Variants in ADCY8 observed in about 807,000 individuals in gnomAD.
ADCY8 encodes the protein adenylate cyclase type 8.
Under a neutral mutation model 119.7 loss-of-function variants are expected in ADCY8, and 51 were observed. That is an observed-to-expected ratio of 0.43 (90% CI 0.34 to 0.54). The LOEUF (loss-of-function observed/expected upper bound fraction) is 0.54, where lower values mean the gene tolerates loss of function less well. Ranked by LOEUF, ADCY8 falls within the 20% of genes least tolerant of loss-of-function variation. ADCY8 has a pLI of 0.03. For synonymous variants in ADCY8, 665 were observed against 651.0 expected (o/e 1.02, Z -0.33); for missense variants, 1,383 against 1,598.8 (o/e 0.87, Z 2.30).
chr8:131,004,895 A>T (rs1024743641), intron 1 of ADCY8, among the ~76,000 whole-genome samples: 1 of 152,126 alleles, frequency 6.6e-6, no homozygotes, highest in Non-Finnish European at 1.5e-5. Flanking sequence ...GGCTGGGATC[A>T]TTCTGTGGTT....
chr8:130,794,619 G>A (rs946611805), intron 15 of ADCY8, among the ~76,000 whole-genome samples: 1 of 152,150 alleles, frequency 6.6e-6, no homozygotes, highest in Non-Finnish European at 1.5e-5. Context: ...ATAATAAAAT[G>A]AACTTTTAAT....
Position 130,884,657 on chromosome 8 carries a change from T to G in ADCY8, c.2016A>C (p.Glu672Asp), listed in dbSNP as rs768890360. The G allele has an allele frequency of 6.2e-7, 1 of 1,613,922 alleles. No individual in the cohort carries two copies. The highest frequency in any genetic ancestry group is 1.1e-5 in the South Asian group (1 of 91,090). ...CGCCACTCCGCAAGTCGATGGTATG[T>G]TCTATTCTCTTGTTAATTTCCTCAG... ...SGPEEINKRI[E>D]HTIDLRSGDK... is the part of the protein sequence containing the mutation. Residue 672 changes from glutamate (E) to aspartate (D), a missense_variant, in exon 8 of 18, where the codon GAA (glutamate) becomes GAC (aspartate). By Grantham distance (45) the Glu-to-Asp change is conservative (BLOSUM62 2). Coordinates refer to ENST00000286355, the MANE Select transcript of ADCY8 (RefSeq NM_001115.3).
chr8:130,797,594 A>T (rs1434927017), intron 15 of ADCY8, among the ~76,000 whole-genome samples: 1 of 152,210 alleles, frequency 6.6e-6, no homozygotes, highest in Non-Finnish European at 1.5e-5. Flanking sequence ...TTAACAAGAT[A>T]CAAGAATATG....
intron 15 of ADCY8, among the ~76,000 whole-genome samples, chr8:130,794,641 T>C (rs1815524368): frequency 6.6e-6 from 1 of 152,246 alleles, no homozygotes; most frequent in Admixed American, 6.5e-5. Flanking sequence ...ATCATAGTTA[T>C]GTGCCAAGTG....
chr8:130,986,911 C>G (rs1334099434), intron 2 of ADCY8, among the ~76,000 whole-genome samples: 1 of 152,152 alleles, frequency 6.6e-6, no homozygotes, highest in African/African-American at 2.4e-5. Flanking sequence ...TCAGAGAAAA[C>G]CTAGTGTCCA....
At chr8:130,964,709 C>G (rs1021898888) in intron 2 of ADCY8, among the ~76,000 whole-genome samples, 13 of 152,304 alleles carry the variant, frequency 8.5e-5, no homozygotes, top group African/African-American at 2.6e-4. Flanking sequence ...GCTATGGTCT[C>G]TGTAAGAAAC....
intron 1 of ADCY8, among the ~76,000 whole-genome samples, chr8:130,999,118 C>T (rs1295345092): frequency 1.1e-4 from 17 of 152,218 alleles, no homozygotes; most frequent in African/African-American, 2.2e-4. Context: ...TTGTGTCCAC[C>T]GTCTCTTATC....
At chr8:130,805,360 C>A (rs1436413563) in intron 14 of ADCY8, among the ~76,000 whole-genome samples, 9 of 152,066 alleles carry the variant, frequency 5.9e-5, no homozygotes, top group Admixed American at 2.0e-4. Flanking sequence ...ATAATTATAG[C>A]AACAACAACA....
intron 2 of ADCY8, among the ~76,000 whole-genome samples, chr8:130,956,717 T>C (rs929360463): frequency 6.6e-6 from 1 of 152,206 alleles, no homozygotes; most frequent in Non-Finnish European, 1.5e-5. Context: ...TGGTGGGAGA[T>C]AATTGAATCA....
At chr8:131,032,819 A>C (rs1216937566) in intron 1 of ADCY8, among the ~76,000 whole-genome samples, 1 of 152,168 alleles carries the variant, frequency 6.6e-6, no homozygotes, top group African/African-American at 2.4e-5. Flanking sequence ...AGGGAAGATT[A>C]TACTAGCTTT....
intron 2 of ADCY8, among the ~76,000 whole-genome samples, chr8:130,969,703 T>A (rs1259144009): frequency 6.6e-6 from 1 of 152,178 alleles, no homozygotes; most frequent in African/African-American, 2.4e-5. Context: ...AGCAGCATCT[T>A]TATTTAGCCC....
At chr8:130,872,736 G>A (rs1293265599) in intron 8 of ADCY8, among the ~76,000 whole-genome samples, 2 of 152,248 alleles carry the variant, frequency 1.3e-5, no homozygotes. Context: ...TGATAATAGG[G>A]AAGAAAACAA....
rs143633324 is a variant in ADCY8, at chr8:130,965,979, C to T, written c.1111-13981G>A. Among the ~76,000 whole-genome samples, 1,092 of 152,294 alleles carry T rather than the reference C, an allele frequency of 7.2e-3. 18 individuals carry two copies. The highest frequency in any genetic ancestry group is 0.024 in the African/African-American group (1,010 of 41,548). ...TTTTCTCTACCTCCAGAACCCAACACAAGCTTAGTAAAAAAGAAGTGGCTG... is the reference window on the plus strand; with the variant it reads ...TTTTCTCTACCTCCAGAACCCAACATAAGCTTAGTAAAAAAGAAGTGGCTG... On this transcript the variant is annotated intron_variant, in intron 2 of 17. Coordinates refer to ENST00000286355, the MANE Select transcript of ADCY8 (RefSeq NM_001115.3).
At chr8:130,856,269 G>T (rs980518483) in intron 9 of ADCY8, among the ~76,000 whole-genome samples, 1 of 151,908 alleles carries the variant, frequency 6.6e-6, no homozygotes, top group African/African-American at 2.4e-5. Flanking sequence ...TCAGCTAATT[G>T]TCTTTTAGCC....
At chr8:130,845,149 GAAAC>G (rs779518998) in intron 11 of ADCY8, among the ~76,000 whole-genome samples, 2 of 152,278 alleles carry the variant, frequency 1.3e-5, no homozygotes, top group East Asian at 1.9e-4. Context: ...CTGAGGCACT[GAAAC>G]AAAGCTGTGT....
In ADCY8 at chr8:130,780,525, C is replaced by T. The variant is rs1391138362; in HGVS notation, c.3621G>A (p.Arg1207=). Residue 1207 remains arginine (R), a synonymous_variant, in exon 18 of 18, where the codon AGG becomes AGA. Coordinates refer to ENST00000286355, the MANE Select transcript of ADCY8 (RefSeq NM_001115.3). Reference sequence around the variant, plus strand: ...TGTTCTCATTGAGTAGCTGCTTCTGCCTTTGCCTATTGAGGGACTGGACAA... The same window carrying T: ...TGTTCTCATTGAGTAGCTGCTTCTGTCTTTGCCTATTGAGGGACTGGACAA... ...LGLVQSLNRQ[R]QKQLLNENNN... The T allele has an allele frequency of 1.9e-6, 3 of 1,614,140 alleles. No individual in the cohort carries two copies. Among genetic ancestry groups the T allele is most frequent in the South Asian group, 2.2e-5 (2 of 91,078 alleles).
At chr8:130,923,942 T>G (rs995298214) in intron 5 of ADCY8, among the ~76,000 whole-genome samples, 1 of 152,262 alleles carries the variant, frequency 6.6e-6, no homozygotes, top group African/African-American at 2.4e-5. Context: ...GTTTATTGAC[T>G]GACATTTTCC....
intron 5 of ADCY8, among the ~76,000 whole-genome samples, chr8:130,932,822 T>A (rs182925874): frequency 5.9e-5 from 9 of 152,202 alleles, no homozygotes; most frequent in African/African-American, 2.2e-4. Flanking sequence ...TTTCGTGATA[T>A]TGGCACCCTA....
intron 2 of ADCY8, among the ~76,000 whole-genome samples, chr8:130,961,623 T>C (rs929561751): frequency 5.3e-5 from 8 of 152,180 alleles, no homozygotes; most frequent in African/African-American, 1.7e-4. Flanking sequence ...ACTTCCCTTC[T>C]TGTAATGCTC....
Sources: gnomAD v4.1 joint callset for allele counts (sites outside exome capture counted in the v4.1 genomes callset) on GRCh38, gnomAD v4.1.1 for gene constraint, MANE v1.5 for transcripts, NCBI Gene and HGNC (gene_info 2026-07-23, HGNC 2026-07-21) for gene names.